Variants in GSTCD observed in about 807,000 individuals in gnomAD.
The protein encoded by GSTCD is glutathione S-transferase C-terminal domain-containing protein.
A neutral mutation model predicts 68.3 loss-of-function variants in GSTCD; 44 were observed. The observed-to-expected ratio is 0.64, with a 90% CI of 0.51 to 0.83. The LOEUF (loss-of-function observed/expected upper bound fraction) is 0.83, where lower values mean the gene tolerates loss of function less well. Ranked by LOEUF, GSTCD falls within the 40% of genes least tolerant of loss-of-function variation. GSTCD has a pLI of 0.00. For missense variants in GSTCD, 739 were observed against 735.9 expected (o/e 1.00, Z -0.05); for synonymous variants, 273 against 255.2 (o/e 1.07, Z -0.67).
At chr4:105,843,926 A>G (rs1724452822) in intron 11 of GSTCD, among the ~76,000 whole-genome samples, 2 of 151,820 alleles carry the variant, frequency 1.3e-5, no homozygotes, top group African/African-American at 2.4e-5. Context: ...GCATTTGGCA[A>G]TGGGAAGAAC....
chr4:105,830,874 A>T (rs895740388), intron 8 of GSTCD, among the ~76,000 whole-genome samples: 2 of 152,158 alleles, frequency 1.3e-5, no homozygotes, highest in African/African-American at 4.8e-5. Context: ...AAGGGAAGAT[A>T]GTGTATAAAT....
intron 9 of GSTCD, 150 bp from the exon 10 acceptor site, chr4:105,837,709 A>T (rs1724179121): frequency 1.3e-5 from 6 of 455,088 alleles, no homozygotes; most frequent in Non-Finnish European, 2.4e-5. Flanking sequence ...TCTTTTTATA[A>T]AAGCATTTCA....
rs991874345 is a variant in GSTCD, at chr4:105,790,237, A to G, written c.1241-32717A>G. Reference sequence around the variant, plus strand: ...TTTGTTAGTTGGATGCTTCTACAATAAACTCATATTTTTAAGAAAATGATA... The same window carrying G: ...TTTGTTAGTTGGATGCTTCTACAATGAACTCATATTTTTAAGAAAATGATA... On this transcript the variant is annotated intron_variant, in intron 5 of 11. Coordinates refer to ENST00000515279, the MANE Select transcript of GSTCD (RefSeq NM_001370181.1). 2.6e-5 allele frequency among the ~76,000 whole-genome samples: 4 copies of G among 152,084 alleles called. 1 individual carries two copies. Among genetic ancestry groups the G allele is most frequent in the African/African-American group, 9.7e-5 (4 of 41,330 alleles).
chr4:105,791,109 G>C (rs950177348), intron 5 of GSTCD, among the ~76,000 whole-genome samples: 1 of 151,822 alleles, frequency 6.6e-6, no homozygotes, highest in African/African-American at 2.4e-5. Flanking sequence ...AAAAAGAGGG[G>C]CTGGCCGGGC....
rs34613169 is a variant in GSTCD at position 105,760,167 on chromosome 4, C to CA, written c.1240+30687dup. Reference sequence around the variant, plus strand: ...TAAGATTTGAGAAAAAAAAAATAGGCAAAAAAAAAAAAAAAAAAAGAGAGA... The same window carrying CA: ...TAAGATTTGAGAAAAAAAAAATAGGCAAAAAAAAAAAAAAAAAAAAGAGAGA... On this transcript the variant is annotated intron_variant, in intron 5 of 11. Coordinates refer to ENST00000515279, the MANE Select transcript of GSTCD (RefSeq NM_001370181.1). Among the ~76,000 whole-genome samples, 480 of 135,806 alleles carry CA rather than the reference C, an allele frequency of 3.5e-3. 2 individuals are homozygous for CA. Among genetic ancestry groups the CA allele is most frequent in the African/African-American group, 0.012 (451 of 36,196 alleles). The allele number at this position is 135,806 out of a possible 152,430, so 89.1% of individuals were successfully genotyped here. A position where few individuals can be genotyped will look rare whatever the true frequency, so the allele number is the denominator to read the frequency against.
chr4:105,761,317 A>G (rs981909006), intron 5 of GSTCD: 4 of 158,926 alleles, frequency 2.5e-5, no homozygotes, highest in Admixed American at 6.3e-5. Context: ...ATGCTTTTAA[A>G]TGTAATTTTC....
At chr4:105,836,436 C>T (rs948856846) in intron 9 of GSTCD, among the ~76,000 whole-genome samples, 1 of 152,206 alleles carries the variant, frequency 6.6e-6, no homozygotes, top group Non-Finnish European at 1.5e-5. Context: ...GATGGTGGGG[C>T]TTCACCAGGG....
chr4:105,823,907 T>C (rs1378991688), intron 7 of GSTCD, among the ~76,000 whole-genome samples: 3 of 152,224 alleles, frequency 2.0e-5, no homozygotes, highest in Non-Finnish European at 1.5e-5. Flanking sequence ...CTACCAAATA[T>C]ATTTTCAAGT....
intron 5 of GSTCD, among the ~76,000 whole-genome samples, chr4:105,804,228 AGCTT>A (rs1736245568): frequency 6.6e-6 from 1 of 152,068 alleles, no homozygotes; most frequent in South Asian, 2.1e-4. Flanking sequence ...TATATCAGGA[AGCTT>A]GCTTTTAAAA....
chr4:105,784,935 G>C (rs750983772), intron 5 of GSTCD, among the ~76,000 whole-genome samples: 1 of 152,066 alleles, frequency 6.6e-6, no homozygotes, highest in Non-Finnish European at 1.5e-5. Flanking sequence ...ATTGTCCTTT[G>C]TCTGACCTAG....
At chr4:105,799,770 C>G (rs1295126009) in intron 5 of GSTCD, among the ~76,000 whole-genome samples, 1 of 147,752 alleles carries the variant, frequency 6.8e-6, no homozygotes, top group Non-Finnish European at 1.5e-5. Flanking sequence ...AAAGTGAACA[C>G]ATGCTGTTGG....
At chr4:105,756,995 A>G (rs1272856179) in intron 5 of GSTCD, among the ~76,000 whole-genome samples, 5 of 152,176 alleles carry the variant, frequency 3.3e-5, no homozygotes, top group Admixed American at 3.3e-4. Flanking sequence ...ACTGATCAGC[A>G]TTGCTATTGC....
At chr4:105,796,174 C>T (rs926300790) in intron 5 of GSTCD, among the ~76,000 whole-genome samples, 9 of 152,162 alleles carry the variant, frequency 5.9e-5, no homozygotes, top group African/African-American at 1.9e-4. Flanking sequence ...GAGAGCAAGT[C>T]GTGTCTTACA....
At chr4:105,754,507 C>T (rs1276018016) in intron 5 of GSTCD, among the ~76,000 whole-genome samples, 1 of 152,058 alleles carries the variant, frequency 6.6e-6, no homozygotes, top group Non-Finnish European at 1.5e-5. Flanking sequence ...TTTGTAGTCA[C>T]ATTTGAAAGT....
intron 5 of GSTCD, among the ~76,000 whole-genome samples, chr4:105,814,233 C>T (rs1460136774): frequency 6.6e-6 from 1 of 152,160 alleles, no homozygotes; most frequent in African/African-American, 2.4e-5. Context: ...TATGGTCACC[C>T]ACATGTCTCC....
In GSTCD at chr4:105,846,011, T is replaced by G. The variant is rs532188570; in HGVS notation, c.*434T>G. 2.1e-4 allele frequency: 34 copies of G among 158,656 alleles called. No individual in the cohort carries two copies. In the East Asian group the frequency reaches 3.7e-3, roughly 17 times the overall value. 9.8% of individuals were successfully genotyped at this position (158,656 alleles called of 1,614,324 possible). On this transcript the variant is annotated 3_prime_UTR_variant, in exon 12 of 12. Coordinates refer to ENST00000515279, the MANE Select transcript of GSTCD (RefSeq NM_001370181.1). Reference sequence around the variant, plus strand: ...CAGTGGAGTTTTTTGTTTTTTATATTTTTAACAATTGTACTTTTTCTATCA... The same window carrying G: ...CAGTGGAGTTTTTTGTTTTTTATATGTTTAACAATTGTACTTTTTCTATCA...
At chr4:105,836,423 G>T (rs1283736932) in intron 9 of GSTCD, among the ~76,000 whole-genome samples, 2 of 152,194 alleles carry the variant, frequency 1.3e-5, no homozygotes, top group East Asian at 3.9e-4. Flanking sequence ...CCATTTCTGG[G>T]TTGATGGTGG....
intron 5 of GSTCD, among the ~76,000 whole-genome samples, chr4:105,743,445 C>T (rs1052623807): frequency 5.3e-5 from 8 of 151,928 alleles, no homozygotes; most frequent in African/African-American, 1.9e-4. Flanking sequence ...TCCCAAATTT[C>T]TGCTTTATCT....
intron 5 of GSTCD, 83 bp downstream of exon 5, chr4:105,729,582 T>TG: frequency 1.1e-6 from 1 of 879,636 alleles, no homozygotes; most frequent in Non-Finnish European, 1.8e-6. Flanking sequence ...AAATCTCCCT[T>TG]TGGCTTTATC....
Sources: gnomAD v4.1 joint callset for allele counts (sites outside exome capture counted in the v4.1 genomes callset) on GRCh38, gnomAD v4.1.1 for gene constraint, MANE v1.5 for transcripts, NCBI Gene and HGNC (gene_info 2026-07-23, HGNC 2026-07-21) for gene names.